Variants in CREB3L1 observed in about 807,000 individuals in gnomAD.
The protein encoded by CREB3L1 is cyclic AMP-responsive element-binding protein 3-like protein 1.
CREB3L1 carries 33 observed loss-of-function variants against 54.5 expected under a neutral mutation model. That is an observed-to-expected ratio of 0.61 (90% confidence interval 0.46 to 0.81). The LOEUF (loss-of-function observed/expected upper bound fraction) is 0.81. Among genes scored for constraint, CREB3L1 ranks in the 30% least tolerant of loss-of-function variants. The pLI, the probability that CREB3L1 is intolerant of heterozygous loss-of-function variation, is 0.00. For synonymous variants in CREB3L1, 284 were observed against 286.4 expected, an observed-to-expected ratio of 0.99 and a Z score of 0.08; for missense variants, 656 against 673.3, an observed-to-expected ratio of 0.97 and a Z score of 0.29.
intron 2 of CREB3L1, among the ~76,000 whole-genome samples, chr11:46,301,015 A>G (rs1368450979): frequency 6.7e-6 from 1 of 149,888 alleles, no homozygotes; most frequent in African/African-American, 2.5e-5. Flanking sequence ...AAAAAAAAAA[A>G]AAAAAAAAAA....
chr11:46,302,268 A>G (rs1375436892), intron 2 of CREB3L1, among the ~76,000 whole-genome samples: 3 of 151,676 alleles, frequency 2.0e-5, no homozygotes, highest in Non-Finnish European at 2.9e-5. Flanking sequence ...TCCTCATACT[A>G]TGTTGTCCTC....
At chr11:46,289,153 G>A (rs151036131) in intron 1 of CREB3L1, among the ~76,000 whole-genome samples, 76 of 152,234 alleles carry the variant, frequency 5.0e-4, no homozygotes, top group African/African-American at 1.7e-3. Flanking sequence ...TGAGGCAGGC[G>A]GATCACTTGA....
chr11:46,295,605 C>G lies in CREB3L1; in HGVS notation c.103-4330C>G, dbSNP rs1399269261. The stretch of plus-strand genomic sequence containing the variant: ...GCGCAGGCCGGGACCCTCCTCCGCG[C>G]GAGCCCTGCACTCCTCCGGTGCCCT... On this transcript the variant is annotated intron_variant, in intron 1 of 11. Transcript: ENST00000621158. The surrounding 1 kb of genome is among the most constrained non-coding windows in gnomAD (Gnocchi z 4.6). Among the ~76,000 whole-genome samples, 2 of 152,202 alleles carry G rather than the reference C, an allele frequency of 1.3e-5. No homozygotes were observed. Among genetic ancestry groups the G allele is most frequent in the Non-Finnish European group, 2.9e-5 (2 of 68,014 alleles).
At position 46,310,082 on chromosome 11, in the gene CREB3L1, G is replaced by C. The variant is rs760584404; in HGVS notation, c.595+15G>C. ...AGTGACACCGGGTAGGTGTGTCCAG[G>C]GGAAGGGCTCTTTTCCCCTCCAGTC... On this transcript the variant is annotated intron_variant, in intron 4 of 11. Coordinates refer to ENST00000621158, the MANE Select transcript of CREB3L1 (RefSeq NM_052854.4). 1 of 1,563,870 alleles carries C rather than the reference G, an allele frequency of 6.4e-7. No individual in the cohort carries two copies. Among genetic ancestry groups the C allele is most frequent in the Non-Finnish European group, 8.7e-7 (1 of 1,150,906 alleles).
chr11:46,310,799 AGCTGG>A (rs1939473391), intron 4 of CREB3L1: 2 of 491,518 alleles, frequency 4.1e-6, no homozygotes, highest in Non-Finnish European at 6.9e-6. Context: ...CTTGTAAAGG[AGCTGG>A]GCCTCTGTGG....
chr11:46,316,112 C>T, intron 8 of CREB3L1, 174 bp from the exon 9 acceptor site: 1 of 545,646 alleles, frequency 1.8e-6, no homozygotes, highest in Non-Finnish European at 3.3e-6. Flanking sequence ...AGGCAGGCCC[C>T]AGGCGCCAGG....
intron 1 of CREB3L1, among the ~76,000 whole-genome samples, chr11:46,285,147 T>C (rs1939037790): frequency 6.6e-6 from 1 of 152,164 alleles, no homozygotes. Flanking sequence ...CATCCCTGTT[T>C]TGTGTCTTCT....
chr11:46,309,395 C>T (rs1939451686), intron 3 of CREB3L1, among the ~76,000 whole-genome samples: 1 of 152,224 alleles, frequency 6.6e-6, no homozygotes. Context: ...CTTTCTGGAA[C>T]AACAAGTCAG....
intron 2 of CREB3L1, among the ~76,000 whole-genome samples, chr11:46,304,200 G>T (rs763806219): frequency 1.3e-5 from 2 of 151,744 alleles, no homozygotes; most frequent in South Asian, 4.2e-4. Context: ...TTGCCTGGGC[G>T]CGTGACTCAC....
intron 1 of CREB3L1, among the ~76,000 whole-genome samples, chr11:46,289,106 G>A (rs543564703): frequency 2.0e-5 from 3 of 152,256 alleles, no homozygotes; most frequent in South Asian, 2.1e-4. Context: ...GGCCAGGCGC[G>A]GTGGCTCACG....
intron 2 of CREB3L1, among the ~76,000 whole-genome samples, chr11:46,305,727 T>TGG: frequency 8.2e-6 from 1 of 121,646 alleles, no homozygotes; most frequent in African/African-American, 3.9e-5. Flanking sequence ...TGTGTGTGTG[T>TGG]GTGTGTATAT....
At chr11:46,311,264 G>A (rs1939481522) in intron 5 of CREB3L1, 75 bp downstream of exon 5, 12 of 1,422,120 alleles carry the variant, frequency 8.4e-6, no homozygotes, top group Non-Finnish European at 1.1e-5. Context: ...GGCCAGTCAG[G>A]AGGGTTTGGG....
intron 10 of CREB3L1, among the ~76,000 whole-genome samples, chr11:46,319,295 G>T (rs539647374): frequency 6.6e-5 from 10 of 152,212 alleles, no homozygotes; most frequent in African/African-American, 2.4e-4. Flanking sequence ...CTGCAGAGCC[G>T]GAGGGGCAGC....
chr11:46,290,465 C>T (rs1418482777), intron 1 of CREB3L1, among the ~76,000 whole-genome samples: 1 of 152,050 alleles, frequency 6.6e-6, no homozygotes, highest in Non-Finnish European at 1.5e-5. Flanking sequence ...CCAGCCCTGC[C>T]CTCTGCCGCC....
At chr11:46,310,966 A>C in intron 4 of CREB3L1, 66 bp from the exon 5 acceptor site, 1 of 1,494,868 alleles carries the variant, frequency 6.7e-7, no homozygotes, top group Non-Finnish European at 8.9e-7. Context: ...TGCTCAGCTG[A>C]ACTCATGATG....
At chr11:46,296,613 G>A (rs1272963071) in intron 1 of CREB3L1, among the ~76,000 whole-genome samples, 2 of 152,160 alleles carry the variant, frequency 1.3e-5, no homozygotes, top group Non-Finnish European at 2.9e-5. Context: ...AGCGCTCTAG[G>A]GGAGTCCCTG....
intron 2 of CREB3L1, among the ~76,000 whole-genome samples, chr11:46,302,500 G>T (rs1393219517): frequency 1.3e-5 from 2 of 152,134 alleles, no homozygotes; most frequent in Non-Finnish European, 2.9e-5. Flanking sequence ...TTGGCTACGT[G>T]ATCACAGACA....
Position 46,278,120 on chromosome 11 carries a change from C to T in CREB3L1, c.9C>T (p.Ala3=). MD[A]VLEPFPADRL... is the part of the protein sequence containing the mutation. Reference sequence around the variant, plus strand: ...CCCGGGAGCCGGCTGCGATGGACGCCGTCTTGGAACCCTTCCCGGCCGACA... The same window carrying T: ...CCCGGGAGCCGGCTGCGATGGACGCTGTCTTGGAACCCTTCCCGGCCGACA... Residue 3 remains alanine (A), a synonymous_variant, in exon 1 of 12, where the codon GCC becomes GCT. Coordinates refer to ENST00000621158, the MANE Select transcript of CREB3L1 (RefSeq NM_052854.4). The surrounding 1 kb of genome is among the most constrained non-coding windows in gnomAD (Gnocchi z 4.2). 6 of 1,554,294 alleles carry T rather than the reference C, an allele frequency of 3.9e-6. No individual in the cohort carries two copies. Among genetic ancestry groups the T allele is most frequent in the Middle Eastern group, 1.7e-4 (1 of 5,958 alleles).
intron 1 of CREB3L1, among the ~76,000 whole-genome samples, chr11:46,282,328 TC>T (rs1266819235): frequency 1.3e-5 from 2 of 152,212 alleles, no homozygotes; most frequent in Non-Finnish European, 2.9e-5. Context: ...CCTTGAGCCA[TC>T]CCCCTACTGC....
Sources: allele counts gnomAD v4.1 joint callset (sites outside exome capture counted in the v4.1 genomes callset), GRCh38; gene constraint gnomAD v4.1.1; non-coding constraint Gnocchi (gnomAD v3.1); transcripts MANE v1.5; gene names NCBI Gene and HGNC (gene_info 2026-07-23, HGNC 2026-07-21).